Variants in ERICH1 observed in about 807,000 individuals in gnomAD.
ERICH1 encodes the protein glutamate rich 1, also known as glutamate-rich protein 1.
Under a neutral mutation model 39.6 loss-of-function variants are expected in ERICH1, and 56 were observed. The observed-to-expected ratio is 1.41, with a 90% CI of 1.14 to 1.77. ERICH1 has a LOEUF of 1.77. ERICH1 is among the 40% of genes most tolerant of loss of function. The pLI, the probability that ERICH1 is intolerant of heterozygous loss-of-function variation, is 0.00. For missense variants in ERICH1, 826 were observed against 575.4 expected, an observed-to-expected ratio of 1.44 and a Z score of -4.45; for synonymous variants, 313 against 223.6, an observed-to-expected ratio of 1.40 and a Z score of -3.57.
chr8:691,975 G>A (rs1809001184), intron 3 of ERICH1, among the ~76,000 whole-genome samples: 1 of 152,138 alleles, frequency 6.6e-6, no homozygotes, highest in Non-Finnish European at 1.5e-5. Context: ...CGTATTAAGA[G>A]AATATTGTAT....
At chr8:674,502 C>A (rs1804213542) in intron 3 of ERICH1, among the ~76,000 whole-genome samples, 1 of 152,002 alleles carries the variant, frequency 6.6e-6, no homozygotes, top group Admixed American at 6.6e-5. Context: ...CGGGGTTTCG[C>A]CATGTTGGCC....
chr8:692,520 A>C lies in ERICH1; in HGVS notation c.262T>G (p.Cys88Gly). The C allele has an allele frequency of 6.2e-7, 1 of 1,614,082 alleles. No homozygotes were observed. The highest frequency in any genetic ancestry group is 1.3e-5 in the African/African-American group (1 of 75,048). Residue 88 changes from cysteine to glycine, a missense_variant, in exon 3 of 6, where the codon TGT (cysteine) becomes GGT (glycine). Transcript: ENST00000262109. ...CTGGAGGCGTTCTCGGGGCTCCCAC[A>C]GCTGCTGGGCTCCGGCCAACAGGGG... ...YVPCWPEPSS[C>G]GSPENASSGD...
At chr8:701,074 AT>A (rs200218296) in intron 2 of ERICH1, among the ~76,000 whole-genome samples, 1 of 151,544 alleles carries the variant, frequency 6.6e-6, no homozygotes, top group Non-Finnish European at 1.5e-5. Context: ...CATTTTCAAG[AT>A]TTTTTTTGCT....
At chr8:675,020 G>A (rs570254293) in intron 3 of ERICH1, among the ~76,000 whole-genome samples, 5 of 152,360 alleles carry the variant, frequency 3.3e-5, no homozygotes, top group African/African-American at 9.6e-5. Context: ...GGCTGAGAGG[G>A]GCAGCATGGC....
In ERICH1 at chr8:647,221, A is replaced by G. The variant is rs549067257; in HGVS notation, c.976+21377T>C. On this transcript the variant is annotated intron_variant, in intron 3 of 3. Coordinates refer to the ERICH1 transcript ENST00000522706. ...CACAAGGGGAGGGATCCTACCTCTC[A>G]GGAAGTGAATCCTGTCATGCCACTG... is the stretch of plus-strand genomic sequence containing the variant. 2.9e-5 allele frequency among the ~76,000 whole-genome samples: 2 copies of G among 68,340 alleles called. 1 individual carries two copies. The highest frequency in any genetic ancestry group is 7.6e-5 in the African/African-American group (2 of 26,370). 44.8% of individuals were successfully genotyped at this position (68,340 alleles called of 152,430 possible).
At chr8:634,837 T>G (rs1008031482) in intron 3 of ERICH1, among the ~76,000 whole-genome samples, 13 of 152,230 alleles carry the variant, frequency 8.5e-5, no homozygotes, top group African/African-American at 3.1e-4. Flanking sequence ...GGTTCTTTTT[T>G]GTCTCTTAAG....
At chr8:691,949 A>T (rs1339173861) in intron 3 of ERICH1, among the ~76,000 whole-genome samples, 1 of 152,202 alleles carries the variant, frequency 6.6e-6, no homozygotes, top group African/African-American at 2.4e-5. Flanking sequence ...CAGCTTTTCC[A>T]TGCTCAACAG....
intron 3 of ERICH1, among the ~76,000 whole-genome samples, chr8:690,038 A>G (rs1306251493): frequency 6.6e-6 from 1 of 152,190 alleles, no homozygotes; most frequent in Non-Finnish European, 1.5e-5. Flanking sequence ...TCTGTCACTA[A>G]CAGGCCAGAG....
At chr8:625,641 G>A (rs1221446780) in intron 3 of ERICH1, 3 of 152,188 alleles carry the variant, frequency 2.0e-5, no homozygotes, top group Non-Finnish European at 4.4e-5. Flanking sequence ...TATATCTTAA[G>A]ACATTAAAAA....
chr8:639,765 C>T (rs1469718374), intron 3 of ERICH1, among the ~76,000 whole-genome samples: 2 of 126,674 alleles, frequency 1.6e-5, no homozygotes, highest in African/African-American at 3.1e-5. Flanking sequence ...TCAGAGGCAG[C>T]CACCAATCCA....
At position 704,716 on chromosome 8, in the gene ERICH1, C is replaced by T. The variant is rs143084760; in HGVS notation, c.169+11145G>A. ...AAAAAAAACCAAAATCCTTAGTTTC[C>T]AAAGTCAATACATAAGATTTAATCC... On this transcript the variant is annotated intron_variant, in intron 2 of 5. Transcript: ENST00000262109. 1.6e-3 allele frequency among the ~76,000 whole-genome samples: 241 copies of T among 152,056 alleles called. 1 individual carries two copies. Among genetic ancestry groups the T allele is most frequent in the African/African-American group, 5.4e-3 (226 of 41,490 alleles).
chr8:717,622 A>G (rs574214482), intron 1 of ERICH1, among the ~76,000 whole-genome samples: 2 of 152,368 alleles, frequency 1.3e-5, no homozygotes, highest in African/African-American at 4.8e-5. Context: ...CAACATCTTC[A>G]TAAGCCAAAA....
In ERICH1 at chr8:720,076, C is replaced by T. The variant is rs534555060; in HGVS notation, c.23-4069G>A. On this transcript the variant is annotated intron_variant, in intron 1 of 5. Coordinates refer to ENST00000262109, the MANE Select transcript of ERICH1 (RefSeq NM_207332.3). ...CGCGGCCCTAGACGTGCACCTTGCT[C>T]CTCTTGTCTTCTGAACACAAAATCT... Among the ~76,000 whole-genome samples, 137 of 152,342 alleles carry T rather than the reference C, an allele frequency of 9.0e-4. 1 individual carries two copies. Among genetic ancestry groups the T allele is most frequent in the Non-Finnish European group, 1.4e-3 (93 of 68,038 alleles).
At chr8:700,738 G>T (rs1039614427) in intron 2 of ERICH1, among the ~76,000 whole-genome samples, 5 of 152,232 alleles carry the variant, frequency 3.3e-5, no homozygotes, top group African/African-American at 1.2e-4. Context: ...CCCATCGGAT[G>T]GCCTCCTCCA....
chr8:676,487 A>C (rs62487388), intron 3 of ERICH1, among the ~76,000 whole-genome samples: 1 of 47,724 alleles, frequency 2.1e-5, no homozygotes, highest in South Asian at 7.0e-4. Context: ...GAGGACAGAG[A>C]CGCGGCGGCC....
intron 3 of ERICH1, among the ~76,000 whole-genome samples, chr8:656,137 G>A (rs535521517): frequency 2.6e-4 from 39 of 152,250 alleles, no homozygotes; most frequent in Admixed American, 5.2e-4. Context: ...GAATGGCCTC[G>A]CTGCTGGCAC....
At chr8:620,054 C>T (rs113170890) in intron 3 of ERICH1, among the ~76,000 whole-genome samples, 9,531 of 152,264 alleles carry the variant, frequency 0.063, 938 homozygotes, top group African/African-American at 0.22. Context: ...TGGCTCACAC[C>T]TGTAATCCCA....
intron 3 of ERICH1, among the ~76,000 whole-genome samples, chr8:618,140 C>G (rs1275141496): frequency 6.7e-6 from 1 of 149,414 alleles, no homozygotes; most frequent in Non-Finnish European, 1.5e-5. Flanking sequence ...TTCCATCTGT[C>G]CTCACTGCCC....
intron 2 of ERICH1, among the ~76,000 whole-genome samples, chr8:704,414 T>C (rs902989462): frequency 6.6e-6 from 1 of 151,998 alleles, no homozygotes; most frequent in African/African-American, 2.4e-5. Context: ...TGTCTGACCA[T>C]AGAACAAGGA....
Sources: gnomAD v4.1 joint callset for allele counts (sites outside exome capture counted in the v4.1 genomes callset) on GRCh38, gnomAD v4.1.1 for gene constraint, MANE v1.5 for transcripts, NCBI Gene and HGNC (gene_info 2026-07-23, HGNC 2026-07-21) for gene names.